Variants in DPP4 observed in about 807,000 individuals in gnomAD.
DPP4 encodes the protein ADCP-2.
A neutral mutation model predicts 122.4 loss-of-function variants in DPP4; 93 were observed. The observed-to-expected ratio is 0.76, with a 90% CI of 0.64 to 0.90. The LOEUF is 0.90. Ranked by LOEUF, DPP4 falls within the 40% of genes least tolerant of loss-of-function variation. The pLI is 0.00. For synonymous variants in DPP4, 321 were observed against 302.9 expected, an observed-to-expected ratio of 1.06 and a Z score of -0.62; for missense variants, 914 against 907.3, an observed-to-expected ratio of 1.01 and a Z score of -0.09.
In DPP4 at chr2:162,058,488, T is replaced by G. The variant is rs569867564; in HGVS notation, c.95-10987A>C. On this transcript the variant is annotated intron_variant, in intron 2 of 25. Transcript: ENST00000360534. ...AAACTTTCAATTCCTCACTTGGTAA[T>G]GCTAACCCCATTTGTCTGGAGTATG... Among the ~76,000 whole-genome samples the G allele has an allele frequency of 6.6e-5, 10 of 152,258 alleles. No homozygotes were observed. The East Asian group carries it at 1.9e-3, about 29-fold the overall frequency.
At chr2:162,045,448 A>T in intron 5 of DPP4, 84 bp downstream of exon 5, 1 of 952,532 alleles carries the variant, frequency 1.0e-6, no homozygotes, top group Non-Finnish European at 1.7e-6. Context: ...TATTAATCTT[A>T]AGTATCCATA....
intron 2 of DPP4, among the ~76,000 whole-genome samples, chr2:162,055,268 A>C (rs1294937733): frequency 6.6e-6 from 1 of 152,236 alleles, no homozygotes; most frequent in Non-Finnish European, 1.5e-5. Context: ...GGAAGTCAGC[A>C]GTTTTCAGTA....
chr2:161,993,832 A>G (rs1700925096), intron 25 of DPP4, among the ~76,000 whole-genome samples: 1 of 151,262 alleles, frequency 6.6e-6, no homozygotes, highest in South Asian at 2.1e-4. Flanking sequence ...GATAAACTGT[A>G]TTAAACTAAA....
chr2:161,998,430 G>A (rs115343691), intron 23 of DPP4, among the ~76,000 whole-genome samples: 13 of 152,134 alleles, frequency 8.5e-5, no homozygotes, highest in South Asian at 8.3e-4. Flanking sequence ...CTTTGCTCGC[G>A]GAAGACAGTC....
At chr2:162,019,347 C>T in intron 14 of DPP4, 71 bp from the exon 15 acceptor site, 1 of 1,090,342 alleles carries the variant, frequency 9.2e-7, no homozygotes, top group African/African-American at 1.6e-5. Flanking sequence ...CCACCGCACT[C>T]AGACCCCAAG....
chr2:162,021,989 G>T (rs1010559112), intron 12 of DPP4, among the ~76,000 whole-genome samples: 2 of 152,118 alleles, frequency 1.3e-5, no homozygotes, highest in East Asian at 1.9e-4. Flanking sequence ...GATCCAAGAG[G>T]TATAAAATCT....
At chr2:162,045,759 C>G in intron 4 of DPP4, 147 bp from the exon 5 acceptor site, 2 of 603,018 alleles carry the variant, frequency 3.3e-6, no homozygotes, top group Admixed American at 3.1e-5. Context: ...TTCACCCACA[C>G]AAATGACCGT....
chr2:162,055,714 T>C (rs1684550115), intron 2 of DPP4, among the ~76,000 whole-genome samples: 1 of 151,902 alleles, frequency 6.6e-6, no homozygotes, highest in Non-Finnish European at 1.5e-5. Flanking sequence ...CAGGGGCATA[T>C]GATAAATGCA....
At chr2:162,008,049 G>GC (rs2106084739) in intron 22 of DPP4, among the ~76,000 whole-genome samples, 1 of 152,044 alleles carries the variant, frequency 6.6e-6, no homozygotes. Flanking sequence ...GGTGTATGAT[G>GC]CCTTATAAAA....
In DPP4 at chr2:162,074,215, T is replaced by G. The variant is rs13015258; in HGVS notation, c.-234A>C. ...AGCAGGCGCGCGTGGCGCGGGGCAC[T>G]GGCATCCCGGCCGGGGGGAGCCCGC... is the stretch of plus-strand genomic sequence containing the variant. On this transcript the variant is annotated 5_prime_UTR_variant, in exon 1 of 26. Coordinates refer to ENST00000360534, the MANE Select transcript of DPP4 (RefSeq NM_001935.4). 737,416 of 1,214,674 alleles carry G rather than the reference T, an allele frequency of 0.61. 226,495 individuals carry two copies. The highest frequency in any genetic ancestry group is 0.67 in the South Asian group (16,492 of 24,674). The allele number at this position is 1,214,674 out of a possible 1,614,324, so 75.2% of individuals were successfully genotyped here. A position where few individuals can be genotyped will look rare whatever the true frequency, so the allele number is the denominator to read the frequency against.
intron 10 of DPP4, among the ~76,000 whole-genome samples, chr2:162,025,928 C>T (rs543436091): frequency 4.9e-4 from 75 of 152,222 alleles, no homozygotes; most frequent in African/African-American, 1.7e-3. Context: ...CTGGACCTGC[C>T]CCTCTCCTTG....
intron 6 of DPP4, 25 bp downstream of exon 6, chr2:162,039,107 T>G: frequency 6.2e-7 from 1 of 1,612,318 alleles, no homozygotes; most frequent in East Asian, 2.2e-5. Context: ...GAAAGCCTAA[T>G]AGATTTTATT....
Position 162,046,901 on chromosome 2 carries a change from G to T in DPP4, c.285+14C>A. On this transcript the variant is annotated intron_variant, in intron 4 of 25. Coordinates refer to ENST00000360534, the MANE Select transcript of DPP4 (RefSeq NM_001935.4). ...AGAATTCTATGCATGAATTAATTAC[G>T]TGATTAAACATACAAATGTACTGTT... is the stretch of plus-strand genomic sequence containing the variant. 1.3e-6 allele frequency: 2 copies of T among 1,498,712 alleles called. No homozygotes were observed. The highest frequency in any genetic ancestry group is 2.3e-5 in the South Asian group (2 of 88,574). 92.8% of individuals were successfully genotyped at this position (1,498,712 alleles called of 1,614,324 possible). A position where few individuals can be genotyped will look rare whatever the true frequency, so the allele number is the denominator to read the frequency against.
chr2:162,054,369 C>T (rs1022987514), intron 2 of DPP4, among the ~76,000 whole-genome samples: 3 of 152,152 alleles, frequency 2.0e-5, no homozygotes, highest in Admixed American at 1.3e-4. Flanking sequence ...GAGACTCTGG[C>T]CTCTAGCCTT....
intron 2 of DPP4, among the ~76,000 whole-genome samples, chr2:162,069,817 G>C (rs1049176066): frequency 3.3e-5 from 5 of 152,024 alleles, no homozygotes; most frequent in Non-Finnish European, 5.9e-5. Flanking sequence ...TCACATTTGG[G>C]TTTTCTCTTA....
At chr2:162,033,678 G>A (rs1332458574) in intron 9 of DPP4, 25 bp from the exon 10 acceptor site, 2 of 1,506,128 alleles carry the variant, frequency 1.3e-6, no homozygotes, top group East Asian at 2.4e-5. Context: ...TCACAGAATT[G>A]GTATTGACAA....
At chr2:161,995,097 G>A (rs867339286) in intron 24 of DPP4, 63 bp from the exon 25 acceptor site, 19 of 1,557,350 alleles carry the variant, frequency 1.2e-5, no homozygotes, top group Non-Finnish European at 1.7e-5. Flanking sequence ...GGTACCAAGG[G>A]GTGGGAAAGG....
intron 2 of DPP4, among the ~76,000 whole-genome samples, chr2:162,057,665 T>C (rs916087926): frequency 6.6e-6 from 1 of 152,230 alleles, no homozygotes; most frequent in Non-Finnish European, 1.5e-5. Flanking sequence ...AGATCTTCTG[T>C]GTTCCTCCTT....
Position 162,024,935 on chromosome 2 carries a change from G to A in DPP4, c.892C>T (p.His298Tyr). ...GCCCATGTCACATCACACAAGTAGT[G>A]ATCCCTGGAAGGAAGAAAGAAAGGA... ...TAPASMLIGD[H>Y]YLCDVTWATQ... Residue 298 changes from histidine to tyrosine, a missense_variant, in exon 11 of 26, where the codon CAC (histidine) becomes TAC (tyrosine). His to Tyr is a moderately conservative substitution (Grantham distance 83, BLOSUM62 2). Coordinates refer to ENST00000360534, the MANE Select transcript of DPP4 (RefSeq NM_001935.4). 14 of 1,612,980 alleles carry A rather than the reference G, an allele frequency of 8.7e-6. No homozygotes were observed. Among genetic ancestry groups the A allele is most frequent in the Non-Finnish European group, 1.2e-5 (14 of 1,179,944 alleles).
Sources: allele counts gnomAD v4.1 joint callset (sites outside exome capture counted in the v4.1 genomes callset), GRCh38; gene constraint gnomAD v4.1.1; transcripts MANE v1.5; gene names NCBI Gene and HGNC (gene_info 2026-07-23, HGNC 2026-07-21).